The following ESR1 variants were observed in gnomAD, a reference collection of about 807,000 sequenced individuals.
ESR1 encodes estrogen receptor.
A neutral mutation model predicts 52.7 loss-of-function variants in ESR1; 12 were observed. The observed-to-expected ratio is 0.23, with a 90% CI of 0.15 to 0.37. ESR1 has a LOEUF of 0.37. Ranked by LOEUF, ESR1 falls within the 10% of genes least tolerant of loss-of-function variation. ESR1 has a pLI of 1.00. For synonymous variants in ESR1, 305 were observed against 316.8 expected (o/e 0.96, Z 0.39); for missense variants, 584 against 779.7 (o/e 0.75, Z 2.99).
At chr6:152,091,926 C>T (rs909237159) in intron 6 of ESR1, among the ~76,000 whole-genome samples, 4 of 152,212 alleles carry the variant, frequency 2.6e-5, no homozygotes, top group Admixed American at 2.0e-4. Context: ...CCAAGTTGGT[C>T]TAACTCAGCC....
chr6:151,919,123 C>T (rs1278105302), intron 3 of ESR1, among the ~76,000 whole-genome samples: 1 of 152,254 alleles, frequency 6.6e-6, no homozygotes, highest in East Asian at 1.9e-4. Flanking sequence ...ATTCAACAGA[C>T]ACATACCTGT....
intron 6 of ESR1, among the ~76,000 whole-genome samples, chr6:152,087,670 G>A (rs1254657708): frequency 2.6e-5 from 4 of 152,194 alleles, no homozygotes; most frequent in African/African-American, 9.7e-5. Context: ...GCTTGGAGGA[G>A]CAAAGATATC....
intron 1 of ESR1, among the ~76,000 whole-genome samples, chr6:151,820,126 G>A (rs528274058): frequency 6.6e-6 from 1 of 152,284 alleles, no homozygotes; most frequent in African/African-American, 2.4e-5. Context: ...CATTGATATG[G>A]AGGTCAAAAT....
intron 3 of ESR1, among the ~76,000 whole-genome samples, chr6:151,905,846 C>T (rs1475352510): frequency 1.3e-5 from 2 of 152,146 alleles, no homozygotes; most frequent in Non-Finnish European, 2.9e-5. Context: ...AGTCAGTTTT[C>T]ACTGGCATGT....
intron 5 of ESR1, among the ~76,000 whole-genome samples, chr6:152,022,600 C>A (rs2043760634): frequency 6.6e-6 from 1 of 152,082 alleles, no homozygotes; most frequent in Non-Finnish European, 1.5e-5. Flanking sequence ...GAAAAAGAGT[C>A]CCAGCCTGGG....
At chr6:152,020,540 T>G (rs1174606839) in intron 5 of ESR1, among the ~76,000 whole-genome samples, 1 of 150,698 alleles carries the variant, frequency 6.6e-6, no homozygotes. Flanking sequence ...AATTTCCGCC[T>G]CCTGGGTTCA....
At chr6:152,110,850 G>A (rs906208271) in intron 6 of ESR1, among the ~76,000 whole-genome samples, 3 of 152,136 alleles carry the variant, frequency 2.0e-5, no homozygotes, top group Non-Finnish European at 4.4e-5. Flanking sequence ...AATGTGTCCC[G>A]GTTGTCTTTC....
intron 2 of ESR1, among the ~76,000 whole-genome samples, chr6:151,704,356 A>G (rs1780023144): frequency 6.6e-6 from 1 of 152,162 alleles, no homozygotes; most frequent in Admixed American, 6.5e-5. Flanking sequence ...TTCCTGCCTC[A>G]GCCTCCCAAG....
At position 152,010,018 on chromosome 6, in the gene ESR1, G is replaced by T. The variant is rs9340963; in HGVS notation, c.1097-1638G>T. The stretch of plus-strand genomic sequence containing the variant: ...GAGACTGTTAGGAGCTGAATTAGCG[G>T]GTTAACAGTGGCAATGAAAAAGGAG... On this transcript the variant is annotated intron_variant, in intron 4 of 7. Coordinates refer to ENST00000206249, the MANE Select transcript of ESR1 (RefSeq NM_000125.4). Among the ~76,000 whole-genome samples, 35 of 152,176 alleles carry T rather than the reference G, an allele frequency of 2.3e-4. No individual in the cohort carries two copies. In the East Asian group the frequency reaches 5.0e-3, roughly 22 times the overall value.
At chr6:151,909,408 C>T (rs1047548653) in intron 3 of ESR1, among the ~76,000 whole-genome samples, 2 of 152,158 alleles carry the variant, frequency 1.3e-5, no homozygotes, top group African/African-American at 4.8e-5. Context: ...CCTTAGGCCA[C>T]AGGACAGCAG....
At chr6:151,931,184 A>G (rs946575189) in intron 3 of ESR1, among the ~76,000 whole-genome samples, 1 of 151,720 alleles carries the variant, frequency 6.6e-6, no homozygotes, top group Non-Finnish European at 1.5e-5. Context: ...AATTATGCAT[A>G]TGCTTGTTAT....
chr6:151,884,705 T>A (rs1793559962), intron 3 of ESR1, among the ~76,000 whole-genome samples: 1 of 152,226 alleles, frequency 6.6e-6, no homozygotes, highest in Admixed American at 6.5e-5. Context: ...GGTAGTTCTA[T>A]AAGATGCAGG....
At chr6:152,119,784 T>G (rs561644200) in intron 6 of ESR1, among the ~76,000 whole-genome samples, 1 of 152,328 alleles carries the variant, frequency 6.6e-6, no homozygotes, top group Middle Eastern at 3.4e-3. Context: ...AACCGCTGGG[T>G]GCGGGTGAGG....
chr6:151,846,363 CACA>C (rs1213157288), intron 2 of ESR1, among the ~76,000 whole-genome samples: 6 of 152,034 alleles, frequency 3.9e-5, no homozygotes, highest in Non-Finnish European at 7.4e-5. Context: ...AGGGAAATAC[CACA>C]ACAAGTTTAA....
At chr6:151,722,934 G>T (rs1356683587) in intron 2 of ESR1, among the ~76,000 whole-genome samples, 1 of 152,110 alleles carries the variant, frequency 6.6e-6, no homozygotes, top group Non-Finnish European at 1.5e-5. Context: ...TCCCCCAATT[G>T]TGGTTTTCAA....
At chr6:152,077,565 G>A (rs1332759926) in intron 6 of ESR1, among the ~76,000 whole-genome samples, 6 of 152,308 alleles carry the variant, frequency 3.9e-5, no homozygotes, top group Admixed American at 2.6e-4. Context: ...GACACTCAAC[G>A]CCAGCCTGTG....
At chr6:151,967,513 C>G (rs2038408433) in intron 4 of ESR1, among the ~76,000 whole-genome samples, 6 of 152,192 alleles carry the variant, frequency 3.9e-5, no homozygotes, top group Admixed American at 3.9e-4. Context: ...AGGACATGAG[C>G]TCATCCTTTT....
rs988880868 is a variant in ESR1 at position 151,709,739 on chromosome 6, AT to A, written c.-71+7746del. Among the ~76,000 whole-genome samples the A allele has an allele frequency of 1.4e-3, 209 of 144,746 alleles. 1 individual carries two copies. The highest frequency in any genetic ancestry group is 3.6e-3 in the Middle Eastern group (1 of 280). 95.0% of individuals were successfully genotyped at this position (144,746 alleles called of 152,430 possible). A position where few individuals can be genotyped will look rare whatever the true frequency, so the allele number is the denominator to read the frequency against. On this transcript the variant is annotated intron_variant, in intron 2 of 2. Transcript: ENST00000404742. Reference sequence around the variant, plus strand: ...GTGATGCTGAGCATTTTTTCTATAGATTTTTTTTTTTTGGTCAGTGGATTGC... The same window carrying A: ...GTGATGCTGAGCATTTTTTCTATAGATTTTTTTTTTTGGTCAGTGGATTGC...
downstream of ESR1, among the ~76,000 whole-genome samples, chr6:152,105,092 C>T (rs145827062): frequency 3.7e-4 from 57 of 152,292 alleles, no homozygotes; most frequent in African/African-American, 1.1e-3. Context: ...TTCCCCCATA[C>T]CTGGCTCTCT....
Sources: gnomAD v4.1 joint callset for allele counts (sites outside exome capture counted in the v4.1 genomes callset) on GRCh38, gnomAD v4.1.1 for gene constraint, MANE v1.5 for transcripts, NCBI Gene and HGNC (gene_info 2026-07-23, HGNC 2026-07-21) for gene names.